Variants in MCM3 observed in about 807,000 individuals in gnomAD.
MCM3 encodes minichromosome maintenance complex component 3, also known as DNA replication licensing factor MCM3.
In MCM3, 59 loss-of-function variants were observed where a neutral mutation model predicts 91.3. The observed-to-expected ratio is 0.65, with a 90% CI of 0.52 to 0.80. The LOEUF is 0.80. Among genes scored for constraint, MCM3 ranks in the 30% least tolerant of loss-of-function variants. The pLI, the probability that MCM3 is intolerant of heterozygous loss-of-function variation, is 0.00. For missense variants in MCM3, 919 were observed against 1,035.4 expected (o/e 0.89, Z 1.54); for synonymous variants, 383 against 379.6 (o/e 1.01, Z -0.10).
At chr6:52,268,023 G>T in intron 13 of MCM3, 55 bp from the exon 14 acceptor site, 1 of 1,612,676 alleles carries the variant, frequency 6.2e-7, no homozygotes, top group Admixed American at 1.7e-5. Context: ...CAGGGGAACT[G>T]CATCAAGAAC....
In MCM3 at chr6:52,282,723, G is replaced by A. The variant is rs200770127; in HGVS notation, c.330C>T (p.His110=). Residue 110 remains histidine, a synonymous_variant, in exon 3 of 17, where the codon CAC becomes CAT. Transcript: ENST00000596288. ...AGGAGGTAAGAGTCCGCGGGGAGAC[G>A]TGCTTGGAGCCAAAGCTGCCTTCCA... ...VGLEGSFGSK[H]VSPRTLTSCF... 2.2e-5 allele frequency: 35 copies of A among 1,613,974 alleles called. 1 individual carries two copies. Among genetic ancestry groups the A allele is most frequent in the East Asian group, 1.3e-4 (6 of 44,878 alleles).
chr6:52,280,378 G>GCAAACAC (rs1765982346), intron 4 of MCM3, among the ~76,000 whole-genome samples: 1 of 152,212 alleles, frequency 6.6e-6, no homozygotes, highest in African/African-American at 2.4e-5. Flanking sequence ...GTCACTTATT[G>GCAAACAC]AGTGTTTGCT....
At chr6:52,267,101 T>TTTTTTTTTTC (rs1764701615) in intron 14 of MCM3, among the ~76,000 whole-genome samples, 1 of 141,346 alleles carries the variant, frequency 7.1e-6, no homozygotes, top group African/African-American at 2.6e-5. Flanking sequence ...ATCTTCTTTT[T>TTTTTTTTTTC]TTTTTTTTTT....
Position 52,266,641 on chromosome 6 carries a change from A to T in MCM3, c.2128T>A (p.Phe710Ile). The change falls in exon 15 of 17, where the codon TTC (phenylalanine) becomes ATC (isoleucine). Residue 710 changes from phenylalanine (F) to isoleucine (I), a missense_variant. By Grantham distance (21) the Phe-to-Ile change is conservative. Around this residue, in one of 3 missense-constraint regions of MCM3, gnomAD observed 285 missense variants for 311.4 expected, o/e 0.92. Transcript: ENST00000596288. ...KDGDSYDPYD[F>I]SDTEEEMPQV... ...GGCATTTCCTCCTCTGTGTCACTGA[A>T]GTCATAGGGGTCGTATGAATCCCCA... 6.2e-7 allele frequency: 1 copy of T among 1,614,158 alleles called. No homozygotes were observed. Among genetic ancestry groups the T allele is most frequent in the South Asian group, 1.1e-5 (1 of 91,078 alleles).
Position 52,277,525 on chromosome 6 carries a change from A to C in MCM3, c.1033+10T>G. The stretch of plus-strand genomic sequence containing the variant: ...GAACAACAGTCTAAAGCAAATCCCC[A>C]ACATCGTACCTATTAGAAGAATATT... On this transcript the variant is annotated intron_variant, in intron 7 of 16. Transcript: ENST00000596288. 1 of 1,608,534 alleles carries C rather than the reference A, an allele frequency of 6.2e-7. No homozygotes were observed. The highest frequency in any genetic ancestry group is 8.5e-7 in the Non-Finnish European group (1 of 1,177,258).
chr6:52,282,535 G>A (rs1310737636), intron 3 of MCM3, 118 bp downstream of exon 3: 10 of 869,596 alleles, frequency 1.1e-5, no homozygotes, highest in East Asian at 7.9e-5. Context: ...GTTTTACCAC[G>A]TAATTCCAAT....
intron 7 of MCM3, 152 bp from the exon 8 acceptor site, chr6:52,277,350 G>T (rs1765666187): frequency 2.1e-6 from 2 of 953,218 alleles, no homozygotes; most frequent in Non-Finnish European, 3.0e-6. Context: ...ACTCACGGAA[G>T]AATATTTATA....
rs745435074 is a variant in MCM3 at position 52,277,691 on chromosome 6, AC to A, written c.880-4del. On this transcript the variant is annotated splice_polypyrimidine_tract_variant and splice_region_variant and intron_variant, in intron 6 of 16. Transcript: ENST00000596288. ...TTGGCCAGCTGGTCAAAGATATCCTACAGGAGAAATAACCAATGGCAAGCCT... is the reference window on the plus strand; with the variant it reads ...TTGGCCAGCTGGTCAAAGATATCCTAAGGAGAAATAACCAATGGCAAGCCT... The A allele has an allele frequency of 2.3e-5, 37 of 1,613,378 alleles. No individual in the cohort carries two copies. The highest frequency in any genetic ancestry group is 1.6e-4 in the Middle Eastern group (1 of 6,068).
chr6:52,281,944 T>C, intron 4 of MCM3, 101 bp downstream of exon 4: 2 of 1,259,866 alleles, frequency 1.6e-6, no homozygotes, highest in South Asian at 3.3e-5. Flanking sequence ...TTTTTCACCC[T>C]TTACAGAAAA....
chr6:52,269,292 C>T, intron 12 of MCM3, 66 bp from the exon 13 acceptor site: 1 of 1,516,078 alleles, frequency 6.6e-7, no homozygotes, highest in Non-Finnish European at 9.0e-7. Flanking sequence ...TCCTACTGCA[C>T]AGAAAGGGAA....
In MCM3 at chr6:52,284,580, G is replaced by C. The variant is rs1385470820; in HGVS notation, c.78+17C>G. On this transcript the variant is annotated intron_variant, in intron 1 of 16. Transcript: ENST00000596288. ...GGGCTCCGAGCGCTAGAGCCCGCGC[G>C]CCGGCGCCTCCCTCACCTCGTCGTC... 4 of 1,594,136 alleles carry C rather than the reference G, an allele frequency of 2.5e-6. No individual in the cohort carries two copies. In the South Asian group the frequency reaches 4.5e-5, roughly 18 times the overall value.
At chr6:52,280,278 A>T (rs1317361551) in intron 4 of MCM3, among the ~76,000 whole-genome samples, 1 of 152,232 alleles carries the variant, frequency 6.6e-6, no homozygotes, top group African/African-American at 2.4e-5. Flanking sequence ...AGCTTGTAAA[A>T]ATTCATCAAG....
chr6:52,279,953 T>C (rs1263611372), intron 4 of MCM3, among the ~76,000 whole-genome samples: 1 of 152,220 alleles, frequency 6.6e-6, no homozygotes, highest in Non-Finnish European at 1.5e-5. Flanking sequence ...CATAGCAACA[T>C]TATGCCTAGT....
At chr6:52,282,274 GTTT>G in intron 3 of MCM3, 99 bp from the exon 4 acceptor site, 1 of 1,101,344 alleles carries the variant, frequency 9.1e-7, no homozygotes, top group Non-Finnish European at 1.3e-6. Flanking sequence ...CAAATACTGT[GTTT>G]TTTTGACTAG....
At chr6:52,283,587 T>C (rs933491343) in intron 1 of MCM3, among the ~76,000 whole-genome samples, 181 bp from the exon 2 acceptor site, 1 of 152,234 alleles carries the variant, frequency 6.6e-6, no homozygotes, top group African/African-American at 2.4e-5. Context: ...AATAACACCC[T>C]AAGAGGGGAC....
rs137913936 is a variant in MCM3, at chr6:52,276,596, T to C, written c.1166-120A>G. 421 of 839,350 alleles carry C rather than the reference T, an allele frequency of 5.0e-4. 4 individuals are homozygous for C. In the African/African-American group the frequency reaches 6.7e-3, roughly 13 times the overall value. The allele number at this position is 839,350 out of a possible 1,614,324, so 52.0% of individuals were successfully genotyped here. A position where few individuals can be genotyped will look rare whatever the true frequency, so the allele number is the denominator to read the frequency against. ...TGCACGTGAGAATGCGGCAATGGTG[T>C]GTTGGCTCCGAGAAACTTAGAGGAA... On this transcript the variant is annotated intron_variant, in intron 8 of 16. Transcript: ENST00000596288.
At chr6:52,282,548 T>A (rs1352182265) in intron 3 of MCM3, 105 bp downstream of exon 3, 8 of 1,006,218 alleles carry the variant, frequency 8.0e-6, no homozygotes, top group Non-Finnish European at 1.2e-5. Flanking sequence ...ATTCCAATGC[T>A]CCACCTCTTT....
At chr6:52,276,241 C>T (rs1765546802) in intron 9 of MCM3, 27 bp downstream of exon 9, 3 of 1,587,646 alleles carry the variant, frequency 1.9e-6, no homozygotes, top group Admixed American at 1.7e-5. Context: ...AAGGTGAGGA[C>T]AATGGTTGGG....
chr6:52,266,801 T>C, intron 14 of MCM3, 105 bp from the exon 15 acceptor site: 1 of 860,112 alleles, frequency 1.2e-6, no homozygotes, highest in Non-Finnish European at 2.0e-6. Context: ...ACAGAACCAC[T>C]AAGTCAAAGT....
Sources: allele counts gnomAD v4.1 joint callset (sites outside exome capture counted in the v4.1 genomes callset), GRCh38; gene constraint gnomAD v4.1.1; regional missense constraint gnomAD v4.1.1; transcripts MANE v1.5; gene names NCBI Gene and HGNC (gene_info 2026-07-23, HGNC 2026-07-21).